Variants in SEL1L3 observed in about 807,000 individuals in gnomAD.
The protein encoded by SEL1L3 is SEL1L family member 3, also known as protein sel-1 homolog 3.
In SEL1L3, 76 loss-of-function variants were observed where a neutral mutation model predicts 142.8. The ratio of observed to expected loss-of-function variants is 0.53; its 90% CI spans 0.44 to 0.64. The LOEUF is 0.64. Ranked by LOEUF, SEL1L3 falls within the 30% of genes least tolerant of loss-of-function variation. The pLI is 0.00. For missense variants in SEL1L3, 1,262 were observed against 1,381.7 expected (o/e 0.91, Z 1.37); for synonymous variants, 504 against 519.6 (o/e 0.97, Z 0.41).
At chr4:25,837,123 G>A (rs141308900) in intron 2 of SEL1L3, among the ~76,000 whole-genome samples, 1 of 151,868 alleles carries the variant, frequency 6.6e-6, no homozygotes, top group African/African-American at 2.4e-5. Context: ...GGACTTGCTG[G>A]TCTATGACGG....
At position 25,776,218 on chromosome 4, in the gene SEL1L3, A is replaced by G. The variant is rs1292477801; in HGVS notation, c.2669+59T>C. The stretch of plus-strand genomic sequence containing the variant: ...CAGTTGCATTTTAAGACTCCATTTC[A>G]TAAGACTATACTGACAGACAGGGAA... On this transcript the variant is annotated intron_variant, in intron 17 of 23. Transcript: ENST00000399878. The G allele has an allele frequency of 2.7e-6, 3 of 1,105,184 alleles. No homozygotes were observed. The African/African-American group carries it at 4.7e-5, about 17-fold the overall frequency. 68.5% of individuals were successfully genotyped at this position (1,105,184 alleles called of 1,614,324 possible).
intron 1 of SEL1L3, among the ~76,000 whole-genome samples, chr4:25,858,048 G>A (rs1237733890): frequency 6.6e-6 from 1 of 152,208 alleles, no homozygotes; most frequent in East Asian, 1.9e-4. Flanking sequence ...CTGCCCCTCG[G>A]CTCCTTTCTC....
chr4:25,846,912 C>CAAAAAAAAA (rs71184268), intron 2 of SEL1L3, among the ~76,000 whole-genome samples: 1 of 71,822 alleles, frequency 1.4e-5, no homozygotes, highest in Non-Finnish European at 2.5e-5. Context: ...GACTCCATCT[C>CAAAAAAAAA]AAAAAAAAAA....
At chr4:25,817,147 CTA>C (rs1227268964) in intron 9 of SEL1L3, among the ~76,000 whole-genome samples, 1 of 152,152 alleles carries the variant, frequency 6.6e-6, no homozygotes, top group Non-Finnish European at 1.5e-5. Flanking sequence ...ATAAAATATC[CTA>C]TATGACTTGA....
At chr4:25,752,980 T>A (rs762966160) in intron 23 of SEL1L3, among the ~76,000 whole-genome samples, 3 of 152,236 alleles carry the variant, frequency 2.0e-5, no homozygotes, top group Non-Finnish European at 2.9e-5. Flanking sequence ...CAACAGGCAG[T>A]GGATGTACTA....
At position 25,833,100 on chromosome 4, in the gene SEL1L3, A is replaced by G; in HGVS notation, c.993T>C (p.His331=). 6.3e-7 allele frequency: 1 copy of G among 1,589,154 alleles called. No individual in the cohort carries two copies. Among genetic ancestry groups the G allele is most frequent in the Non-Finnish European group, 8.6e-7 (1 of 1,157,532 alleles). The change falls in exon 5 of 24, where the codon CAT becomes CAC. Residue 331 remains histidine (H), a synonymous_variant. Coordinates refer to ENST00000399878, the MANE Select transcript of SEL1L3 (RefSeq NM_015187.5). The stretch of plus-strand genomic sequence containing the variant: ...CCCCTTTGACAAGATGCATCTGAAT[A>G]TGCAAATAGCCTAAAAGGAAAATTC... ...SVFLTEEGYL[H]IQMHLVKGED... is the part of the protein sequence containing the mutation.
chr4:25,756,973 G>C, intron 23 of SEL1L3: 1 of 1,210,372 alleles, frequency 8.3e-7, no homozygotes, highest in South Asian at 1.5e-5. Flanking sequence ...TTTAAAGAAA[G>C]TCCTTATTTT....
chr4:25,770,739 C>CAAAAAAAAA (rs57317400), intron 17 of SEL1L3, among the ~76,000 whole-genome samples: 8 of 97,370 alleles, frequency 8.2e-5, no homozygotes, highest in Non-Finnish European at 1.3e-4. Context: ...GACTCTGTCT[C>CAAAAAAAAA]AAAAAAAAAA....
At chr4:25,761,517 AAAAT>A (rs1718378419) in intron 20 of SEL1L3, among the ~76,000 whole-genome samples, 1 of 152,188 alleles carries the variant, frequency 6.6e-6, no homozygotes, top group East Asian at 1.9e-4. Flanking sequence ...AATAAGTGGG[AAAAT>A]AGAGTAGGGG....
chr4:25,824,597 T>G (rs937629256), intron 6 of SEL1L3, among the ~76,000 whole-genome samples: 2 of 152,182 alleles, frequency 1.3e-5, no homozygotes, highest in Non-Finnish European at 2.9e-5. Flanking sequence ...CATCTTGAGT[T>G]TCATGCTTAG....
Position 25,862,774 on chromosome 4 carries a change from G to C in SEL1L3, c.63C>G (p.Leu21=). 1 of 1,198,290 alleles carries C rather than the reference G, an allele frequency of 8.3e-7. No individual in the cohort carries two copies. Among genetic ancestry groups the C allele is most frequent in the Non-Finnish European group, 1.0e-6 (1 of 967,296 alleles). 74.2% of individuals were successfully genotyped at this position (1,198,290 alleles called of 1,614,324 possible). A position where few individuals can be genotyped will look rare whatever the true frequency, so the allele number is the denominator to read the frequency against. ...TGGCTGCGGCCCGGGGGCCGACCGC[G>C]AGCGGCGGGGGTTGCTGCTGCTGCT... ...PRQQQQQPPP[L]AVGPRAAAMV... The change falls in exon 1 of 24, where the codon CTC becomes CTG. Residue 21 remains leucine, a synonymous_variant. Transcript: ENST00000399878.
At position 25,862,959 on chromosome 4, in the gene SEL1L3, GC is replaced by G; in HGVS notation, c.-124del. 1 of 602,490 alleles carries G rather than the reference GC, an allele frequency of 1.7e-6. No individual in the cohort carries two copies. Among genetic ancestry groups the G allele is most frequent in the Non-Finnish European group, 2.0e-6 (1 of 497,820 alleles). 37.3% of individuals were successfully genotyped at this position (602,490 alleles called of 1,614,324 possible). The stretch of plus-strand genomic sequence containing the variant: ...GCCGCCGCGCGCGGGGCCACCTGCC[GC>G]CACCTCCGGACCCGCCGCCGCCGCC... On this transcript the variant is annotated 5_prime_UTR_variant, in exon 1 of 24. Transcript: ENST00000399878.
At chr4:25,850,631 A>T (rs1201945994) in intron 1 of SEL1L3, among the ~76,000 whole-genome samples, 2 of 152,210 alleles carry the variant, frequency 1.3e-5, no homozygotes, top group Admixed American at 1.3e-4. Context: ...ATGTTTGTGT[A>T]GATTTTCACA....
intron 16 of SEL1L3, among the ~76,000 whole-genome samples, chr4:25,778,800 C>CA (rs1169851570): frequency 2.0e-5 from 3 of 151,922 alleles, no homozygotes; most frequent in African/African-American, 7.3e-5. Context: ...ATAAATCTTT[C>CA]AAAAAAGATT....
chr4:25,815,670 C>G (rs1361428497), intron 9 of SEL1L3, among the ~76,000 whole-genome samples: 6 of 152,042 alleles, frequency 3.9e-5, no homozygotes, highest in Admixed American at 2.6e-4. Flanking sequence ...GTCTCCCTCT[C>G]CTGTTTGCGG....
chr4:25,845,035 C>A (rs1399287320), intron 2 of SEL1L3, among the ~76,000 whole-genome samples: 5 of 152,184 alleles, frequency 3.3e-5, no homozygotes, highest in Non-Finnish European at 5.9e-5. Context: ...TTGTATAGAT[C>A]TACACAAACA....
In SEL1L3 at chr4:25,761,012, T is replaced by C. The variant is rs539434839; in HGVS notation, c.2956-1944A>G. Among the ~76,000 whole-genome samples the C allele has an allele frequency of 2.6e-5, 4 of 152,204 alleles. No homozygotes were observed. In the East Asian group the frequency reaches 7.7e-4, roughly 29 times the overall value. Reference sequence around the variant, plus strand: ...GGACAGGGTGCAGAGTCTCAAATCTTAAACTCCACCATGGTGCCAAGAATA... The same window carrying C: ...GGACAGGGTGCAGAGTCTCAAATCTCAAACTCCACCATGGTGCCAAGAATA... On this transcript the variant is annotated intron_variant, in intron 20 of 23. Transcript: ENST00000399878.
chr4:25,815,354 C>T (rs868763334), intron 9 of SEL1L3, among the ~76,000 whole-genome samples: 4 of 152,298 alleles, frequency 2.6e-5, no homozygotes, highest in African/African-American at 9.6e-5. Context: ...AGCGGTTCTG[C>T]AGCGCCCATA....
At chr4:25,716,527 T>C in the SEL1L3 span, among the ~76,000 whole-genome samples, 1 of 152,166 alleles carries the variant, frequency 6.6e-6, no homozygotes, top group African/African-American at 2.4e-5. Flanking sequence ...TTCTAGAACA[T>C]TTGCTTTAAA....
Sources: gnomAD v4.1 joint callset for allele counts (sites outside exome capture counted in the v4.1 genomes callset) on GRCh38, gnomAD v4.1.1 for gene constraint, MANE v1.5 for transcripts, NCBI Gene and HGNC (gene_info 2026-07-23, HGNC 2026-07-21) for gene names.